The following PITPNM3 variants were observed in gnomAD, a reference collection of about 807,000 sequenced individuals.
The protein encoded by PITPNM3 is PITPNM family member 3.
In PITPNM3, 26 loss-of-function variants were observed where a neutral mutation model predicts 102.0. The ratio of observed to expected loss-of-function variants is 0.25; its 90% CI spans 0.19 to 0.35. The LOEUF (loss-of-function observed/expected upper bound fraction) is 0.35. PITPNM3 is among the 10% of genes least tolerant of loss of function. PITPNM3 has a pLI of 1.00. For missense variants in PITPNM3, 1,083 were observed against 1,346.1 expected (o/e 0.80, Z 3.06); for synonymous variants, 578 against 558.6 (o/e 1.03, Z -0.49).
intron 3 of PITPNM3, among the ~76,000 whole-genome samples, chr17:6,518,962 T>C (rs1908336120): frequency 6.6e-6 from 1 of 152,154 alleles, no homozygotes; most frequent in Non-Finnish European, 1.5e-5. Context: ...CTTGTCACTC[T>C]GCATTGACCT....
chr17:6,484,418 C>A, intron 4 of PITPNM3, 126 bp from the exon 5 acceptor site: 1 of 963,286 alleles, frequency 1.0e-6, no homozygotes, highest in Admixed American at 1.8e-5. Context: ...AAGTTAGAGT[C>A]TGGAGCTAGG....
chr17:6,499,667 A>G (rs1476080223), intron 4 of PITPNM3, among the ~76,000 whole-genome samples: 1 of 152,118 alleles, frequency 6.6e-6, no homozygotes, highest in Non-Finnish European at 1.5e-5. Context: ...TGGTGCCCTC[A>G]GCAACTCTAA....
In PITPNM3 at chr17:6,469,180, G is replaced by T. The variant is rs9905473; in HGVS notation, c.1774-839C>A. On this transcript the variant is annotated intron_variant, in intron 13 of 19. Transcript: ENST00000262483. The surrounding 1 kb of genome is among the most constrained non-coding windows in gnomAD (Gnocchi z 4.0). ...CTTAGTCTGGCACTCATCGCCAGTT[G>T]TAAATGCCGTCCAAGCTCTGATGAC... Among the ~76,000 whole-genome samples the T allele has an allele frequency of 0.71, 107,160 of 151,942 alleles. 37,908 individuals carry two copies. Among genetic ancestry groups the T allele is most frequent in the Middle Eastern group, 0.83 (240 of 290 alleles).
Position 6,455,324 on chromosome 17 carries a change from G to A in PITPNM3, c.*14C>T. On this transcript the variant is annotated 3_prime_UTR_variant, in exon 20 of 20. Coordinates refer to ENST00000262483, the MANE Select transcript of PITPNM3 (RefSeq NM_031220.4). ...TTGGGCCCCCCGCTCCCTGCTCTGA[G>A]CACAGCCCACCCCTCAGGGCACCGA... is the stretch of plus-strand genomic sequence containing the variant. 1 of 1,564,530 alleles carries A rather than the reference G, an allele frequency of 6.4e-7. No homozygotes were observed. The highest frequency in any genetic ancestry group is 1.2e-5 in the South Asian group (1 of 83,300).
At chr17:6,461,796 C>G (rs962290867) in intron 17 of PITPNM3, among the ~76,000 whole-genome samples, 9 of 152,206 alleles carry the variant, frequency 5.9e-5, no homozygotes, top group Non-Finnish European at 1.3e-4. Flanking sequence ...CCCTGCCCCT[C>G]TGCTCACAGC....
chr17:6,531,656 G>A (rs1025692482), intron 2 of PITPNM3, among the ~76,000 whole-genome samples: 4 of 152,238 alleles, frequency 2.6e-5, no homozygotes, highest in Non-Finnish European at 4.4e-5. Flanking sequence ...AGCCTGGCCA[G>A]GAAAGCGTGT....
intron 8 of PITPNM3, 96 bp downstream of exon 8, chr17:6,477,879 C>A: frequency 6.3e-7 from 1 of 1,581,178 alleles, no homozygotes; most frequent in South Asian, 1.1e-5. Flanking sequence ...ACCTGGATGT[C>A]ATGGTGCCAA....
At chr17:6,527,510 T>C (rs925271218) in intron 2 of PITPNM3, among the ~76,000 whole-genome samples, 4 of 152,144 alleles carry the variant, frequency 2.6e-5, no homozygotes, top group African/African-American at 9.7e-5. Flanking sequence ...AGTAGGAGCA[T>C]GGGTGTTATG....
rs1489526041 is a variant in PITPNM3 at position 6,452,426 on chromosome 17, A to T, written c.*2912T>A. ...CAAGGAGCTTTGGTCAGGCAGGAAG[A>T]TCTGTTTCCAGCTGCTGGAGAGCAG... On this transcript the variant is annotated 3_prime_UTR_variant, in exon 20 of 20. Transcript: ENST00000262483. 1 of 152,312 alleles carries T rather than the reference A, an allele frequency of 6.6e-6. No homozygotes were observed. Among genetic ancestry groups the T allele is most frequent in the Non-Finnish European group, 1.5e-5 (1 of 68,044 alleles). The allele number at this position is 152,312 out of a possible 1,614,324, so 9.4% of individuals were successfully genotyped here.
intron 2 of PITPNM3, among the ~76,000 whole-genome samples, chr17:6,530,942 C>T (rs1909111660): frequency 6.6e-6 from 1 of 152,224 alleles, no homozygotes; most frequent in South Asian, 2.1e-4. Context: ...CCAGCATCCT[C>T]ATTTTACAGG....
At chr17:6,461,103 CCA>C (rs1433456450) in intron 18 of PITPNM3, 1 of 538,916 alleles carries the variant, frequency 1.9e-6, no homozygotes, top group Non-Finnish European at 3.4e-6. Context: ...GGATGAATGG[CCA>C]GATGTAGAGA....
intron 3 of PITPNM3, among the ~76,000 whole-genome samples, chr17:6,506,336 C>CTCCT (rs1019278325): frequency 1.3e-5 from 2 of 149,926 alleles, no homozygotes; most frequent in Admixed American, 6.7e-5. Context: ...CTTTCTTTCT[C>CTCCT]TCCTTCCTTC....
At chr17:6,529,129 C>T (rs1417357228) in intron 2 of PITPNM3, among the ~76,000 whole-genome samples, 3 of 152,184 alleles carry the variant, frequency 2.0e-5, no homozygotes, top group Non-Finnish European at 4.4e-5. Flanking sequence ...CCAAGCTGAG[C>T]CTCACCCACT....
Position 6,484,246 on chromosome 17 carries a change from C to T in PITPNM3, c.321G>A (p.Gln107=), listed in dbSNP as rs1412432254. 1 of 1,612,620 alleles carries T rather than the reference C, an allele frequency of 6.2e-7. No homozygotes were observed. The highest frequency in any genetic ancestry group is 1.3e-5 in the African/African-American group (1 of 74,882). ...VSLRRQRFPA[Q]GSIEIHEDSE... is the part of the protein sequence containing the mutation. The stretch of plus-strand genomic sequence containing the variant: ...TGTCTTCGTGGATCTCGATGCTTCC[C>T]TGGGCTGGGAACCTCTGTCTTCTCA... The change falls in exon 5 of 20, where the codon CAG becomes CAA. Residue 107 remains glutamine (Q), a synonymous_variant. Coordinates refer to ENST00000262483, the MANE Select transcript of PITPNM3 (RefSeq NM_031220.4).
At chr17:6,500,209 G>A (rs558560505) in intron 4 of PITPNM3, among the ~76,000 whole-genome samples, 1 of 152,258 alleles carries the variant, frequency 6.6e-6, no homozygotes, top group Admixed American at 6.5e-5. Context: ...CCTGGTTCCA[G>A]GGCAACTTTT....
intron 1 of PITPNM3, among the ~76,000 whole-genome samples, chr17:6,550,640 C>T (rs374936325): frequency 1.9e-4 from 29 of 152,332 alleles, no homozygotes; most frequent in African/African-American, 5.8e-4. Flanking sequence ...CACCTCCAGC[C>T]ATGAAGTCTC....
chr17:6,457,863 G>A lies in PITPNM3; in HGVS notation c.2491-141C>T, dbSNP rs1266413166. ...ACTCCAAGCCATGGGGCCACCCTGT[G>A]TCAGGAATGAACCCTCAGAGTGGCT... On this transcript the variant is annotated intron_variant, in intron 18 of 19. Transcript: ENST00000262483. The surrounding 1 kb of genome is among the most constrained non-coding windows in gnomAD (Gnocchi z 4.7). 10 of 1,257,500 alleles carry A rather than the reference G, an allele frequency of 8.0e-6. No individual in the cohort carries two copies. Among genetic ancestry groups the A allele is most frequent in the Admixed American group, 2.0e-5 (1 of 49,744 alleles). 77.9% of individuals were successfully genotyped at this position (1,257,500 alleles called of 1,614,324 possible).
intron 2 of PITPNM3, among the ~76,000 whole-genome samples, chr17:6,529,873 C>T (rs1909046750): frequency 7.0e-6 from 1 of 141,846 alleles, no homozygotes; most frequent in African/African-American, 2.5e-5. Flanking sequence ...CCACACAGCC[C>T]ATCCCCAGAC....
chr17:6,503,465 C>T (rs1174565379), intron 4 of PITPNM3, 62 bp downstream of exon 4: 3 of 1,557,068 alleles, frequency 1.9e-6, no homozygotes, highest in East Asian at 4.5e-5. Context: ...GGGACCCAGG[C>T]TCAATGAGCT....
Sources: gnomAD v4.1 joint callset for allele counts (sites outside exome capture counted in the v4.1 genomes callset) on GRCh38, gnomAD v4.1.1 for gene constraint, Gnocchi (gnomAD v3.1) non-coding constraint, MANE v1.5 for transcripts, NCBI Gene and HGNC (gene_info 2026-07-23, HGNC 2026-07-21) for gene names.